The following NUP155 variants were observed in gnomAD, a reference collection of about 807,000 sequenced individuals.
NUP155 encodes the protein nuclear pore complex protein Nup155.
Under a neutral mutation model 180.4 loss-of-function variants are expected in NUP155, and 71 were observed. That is an observed-to-expected ratio of 0.39 (90% confidence interval 0.33 to 0.48). The LOEUF is 0.48. Among genes scored for constraint, NUP155 ranks in the 20% least tolerant of loss-of-function variants. The pLI, the probability that NUP155 is intolerant of heterozygous loss-of-function variation, is 0.91. For missense variants in NUP155, 1,553 were observed against 1,648.9 expected, an observed-to-expected ratio of 0.94 and a Z score of 1.01; for synonymous variants, 582 against 559.5, an observed-to-expected ratio of 1.04 and a Z score of -0.57.
chr5:37,339,333 A>G (rs994168117), intron 11 of NUP155, among the ~76,000 whole-genome samples: 1 of 150,970 alleles, frequency 6.6e-6, no homozygotes, highest in Non-Finnish European at 1.5e-5. Flanking sequence ...AAAGGCAATT[A>G]TCTCAACAAA....
intron 18 of NUP155, among the ~76,000 whole-genome samples, chr5:37,326,924 C>G (rs553035074): frequency 6.6e-6 from 1 of 152,232 alleles, no homozygotes; most frequent in East Asian, 1.9e-4. Context: ...TTTTTCCCAC[C>G]TATGCTACCC....
intron 9 of NUP155, among the ~76,000 whole-genome samples, chr5:37,344,680 T>C (rs1191640607): frequency 6.6e-6 from 1 of 151,780 alleles, no homozygotes; most frequent in Non-Finnish European, 1.5e-5. Flanking sequence ...GCATAAAAGC[T>C]GGCCAACATG....
At chr5:37,364,022 C>T (rs896578784) in intron 2 of NUP155, 38 bp from the exon 3 acceptor site, 1 of 1,442,796 alleles carries the variant, frequency 6.9e-7, no homozygotes, top group African/African-American at 1.4e-5. Flanking sequence ...AGAGGTGAAT[C>T]TTATTCTTCT....
chr5:37,346,430 G>A (rs1746090915), intron 9 of NUP155, among the ~76,000 whole-genome samples: 1 of 152,100 alleles, frequency 6.6e-6, no homozygotes, highest in Non-Finnish European at 1.5e-5. Context: ...CCAGCACTTC[G>A]GGAGGCCAAG....
At chr5:37,353,721 A>G (rs1389230790) in intron 4 of NUP155, among the ~76,000 whole-genome samples, 1 of 152,262 alleles carries the variant, frequency 6.6e-6, no homozygotes, top group Admixed American at 6.5e-5. Flanking sequence ...TTCCATTTAT[A>G]TGAGGAAACC....
At chr5:37,294,909 A>C (rs989336691) in intron 32 of NUP155, among the ~76,000 whole-genome samples, 2 of 152,184 alleles carry the variant, frequency 1.3e-5, no homozygotes, top group African/African-American at 4.8e-5. Context: ...AATGTCCTAA[A>C]ATTAAAATTA....
chr5:37,330,188 G>T, intron 14 of NUP155, 56 bp from the exon 15 acceptor site: 1 of 1,214,442 alleles, frequency 8.2e-7, no homozygotes, highest in Non-Finnish European at 1.2e-6. Flanking sequence ...AAAATGATTT[G>T]TGTACTGCTA....
At chr5:37,306,248 A>C (rs984062058) in intron 25 of NUP155, among the ~76,000 whole-genome samples, 3 of 151,912 alleles carry the variant, frequency 2.0e-5, no homozygotes, top group Non-Finnish European at 4.4e-5. Context: ...GAGAAAAAAA[A>C]AATTAGCCGA....
At chr5:37,347,342 G>A (rs1746160732) in intron 9 of NUP155, among the ~76,000 whole-genome samples, 1 of 152,054 alleles carries the variant, frequency 6.6e-6, no homozygotes, top group East Asian at 1.9e-4. Context: ...AACACGTCAA[G>A]CTGTACTTTA....
chr5:37,327,510 G>A, intron 18 of NUP155, 119 bp downstream of exon 18: 1 of 1,064,978 alleles, frequency 9.4e-7, no homozygotes, highest in African/African-American at 1.6e-5. Flanking sequence ...TGATCAACAA[G>A]TGAGCTAAAA....
In NUP155 at chr5:37,305,113, G is replaced by A; in HGVS notation, c.3001C>T (p.Pro1001Ser). The change falls in exon 26 of 35, where the codon CCT (proline) becomes TCT (serine). Residue 1001 changes from proline to serine, a missense_variant. Coordinates refer to ENST00000231498, the MANE Select transcript of NUP155 (RefSeq NM_153485.3). ...QSPSVPKKPG[P>S]PVLSSDPNML... is the part of the protein sequence containing the mutation. ...TTTGGATCAGATGACAACACTGGAG[G>A]ACCAGGTTTTTTGGGTACACTGGGA... 6.2e-7 allele frequency: 1 copy of A among 1,613,970 alleles called. No homozygotes were observed. The highest frequency in any genetic ancestry group is 8.5e-7 in the Non-Finnish European group (1 of 1,180,024).
Position 37,363,877 on chromosome 5 carries a change from T to A in NUP155, c.392+11A>T. 1 of 1,582,150 alleles carries A rather than the reference T, an allele frequency of 6.3e-7. No individual in the cohort carries two copies. Among genetic ancestry groups the A allele is most frequent in the Non-Finnish European group, 8.7e-7 (1 of 1,150,974 alleles). The stretch of plus-strand genomic sequence containing the variant: ...AATCACCCTTAAAGCAAACCAGCCT[T>A]AAATACATACCCATCCTCATAGTTC... On this transcript the variant is annotated intron_variant, in intron 3 of 34. Coordinates refer to ENST00000231498, the MANE Select transcript of NUP155 (RefSeq NM_153485.3).
chr5:37,370,208 T>C (rs1272651589), intron 1 of NUP155, among the ~76,000 whole-genome samples: 1 of 151,864 alleles, frequency 6.6e-6, no homozygotes. Flanking sequence ...CGTCTCTACT[T>C]AAAAAACACA....
At chr5:37,369,709 T>G (rs1747838823) in intron 1 of NUP155, among the ~76,000 whole-genome samples, 1 of 152,218 alleles carries the variant, frequency 6.6e-6, no homozygotes, top group African/African-American at 2.4e-5. Context: ...TACAAAGCTA[T>G]CAATGATTTT....
intron 27 of NUP155, among the ~76,000 whole-genome samples, chr5:37,304,216 C>G (rs900345483): frequency 2.3e-5 from 3 of 131,986 alleles, no homozygotes; most frequent in Non-Finnish European, 4.6e-5. Context: ...TGCCACTGCA[C>G]TCCAGCCTGG....
chr5:37,294,358 C>T lies in NUP155; in HGVS notation c.3901G>A (p.Glu1301Lys), dbSNP rs772980908. Residue 1301 changes from glutamate to lysine, a missense_variant, in exon 33 of 35, where the codon GAA becomes AAA. Glu to Lys is a moderately conservative substitution (Grantham distance 56). Coordinates refer to ENST00000231498, the MANE Select transcript of NUP155 (RefSeq NM_153485.3). ...GATTTGAACAACTGATCATAAACTT[C>T]TAGTAGTCTAGGTAATGGTACTCCA... ...EIGVPLPRLL[E>K]VYDQLFKSRD... 1.6e-5 allele frequency: 26 copies of T among 1,598,684 alleles called. No individual in the cohort carries two copies. Among genetic ancestry groups the T allele is most frequent in the Non-Finnish European group, 2.1e-5 (25 of 1,166,790 alleles).
intron 19 of NUP155, among the ~76,000 whole-genome samples, chr5:37,324,753 G>A (rs1394688102): frequency 2.6e-5 from 4 of 152,214 alleles, no homozygotes; most frequent in African/African-American, 9.6e-5. Context: ...GCATCTGGCC[G>A]CGTTGCCCTG....
At chr5:37,296,115 G>A (rs914841819) in intron 32 of NUP155, among the ~76,000 whole-genome samples, 20 of 150,840 alleles carry the variant, frequency 1.3e-4, no homozygotes, top group East Asian at 6.0e-4. Flanking sequence ...ACCTCTGCCC[G>A]GCCGCCCCTA....
rs1351565888 is a variant in NUP155 at position 37,351,475 on chromosome 5, T to A, written c.557-119A>T. The A allele has an allele frequency of 8.6e-6, 6 of 701,382 alleles. No individual in the cohort carries two copies. The African/African-American group carries it at 9.0e-5, about 11-fold the overall frequency. The allele number at this position is 701,382 out of a possible 1,614,324, so 43.4% of individuals were successfully genotyped here. The stretch of plus-strand genomic sequence containing the variant: ...TTCTTTTTTTTTTTTCTTGAGACAG[T>A]CTTACTCTGTCACCCAGGCTGGGTG... On this transcript the variant is annotated intron_variant, in intron 5 of 34. Coordinates refer to ENST00000231498, the MANE Select transcript of NUP155 (RefSeq NM_153485.3).
Sources: gnomAD v4.1 joint callset for allele counts (sites outside exome capture counted in the v4.1 genomes callset) on GRCh38, gnomAD v4.1.1 for gene constraint, MANE v1.5 for transcripts, NCBI Gene and HGNC (gene_info 2026-07-23, HGNC 2026-07-21) for gene names.